Variants in ALK observed in about 807,000 individuals in gnomAD.
ALK encodes ALK receptor tyrosine kinase.
Under a neutral mutation model 163.1 loss-of-function variants are expected in ALK, and 74 were observed. The observed-to-expected ratio is 0.45, with a 90% CI of 0.38 to 0.55. ALK has a LOEUF of 0.55. ALK is among the 20% of genes least tolerant of loss of function. The pLI is 0.00. For synonymous variants in ALK, 960 were observed against 843.2 expected (o/e 1.14, Z -2.40); for missense variants, 2,063 against 2,105.3 (o/e 0.98, Z 0.39).
intron 4 of ALK, among the ~76,000 whole-genome samples, chr2:29,528,349 A>G (rs1214998386): frequency 6.6e-6 from 1 of 152,168 alleles, no homozygotes; most frequent in African/African-American, 2.4e-5. Context: ...GAGAGGACCA[A>G]TTTTACACAG....
chr2:29,880,731 A>G (rs1666843277), intron 1 of ALK, among the ~76,000 whole-genome samples: 1 of 152,252 alleles, frequency 6.6e-6, no homozygotes, highest in Admixed American at 6.5e-5. Context: ...TACCCATGCC[A>G]TAAAAGTGAG....
chr2:29,572,761 G>A (rs985928831), intron 3 of ALK, among the ~76,000 whole-genome samples: 1 of 152,170 alleles, frequency 6.6e-6, no homozygotes, highest in East Asian at 1.9e-4. Flanking sequence ...GATGAATGAA[G>A]ACTTCTCTCA....
chr2:29,195,700 G>GCT (rs1669005122), intron 28 of ALK, among the ~76,000 whole-genome samples: 1 of 152,194 alleles, frequency 6.6e-6, no homozygotes, highest in African/African-American at 2.4e-5. Context: ...GCGCCACTGT[G>GCT]CTCCAGCCCG....
chr2:29,554,158 G>A (rs6547944), intron 3 of ALK, among the ~76,000 whole-genome samples: 83,619 of 151,996 alleles, frequency 0.55, 23,386 homozygotes, highest in South Asian at 0.64. Flanking sequence ...GACAAAAATA[G>A]TCACTGTAAA....
At chr2:29,646,455 A>T (rs1446428706) in intron 3 of ALK, among the ~76,000 whole-genome samples, 1 of 152,154 alleles carries the variant, frequency 6.6e-6, no homozygotes, top group Non-Finnish European at 1.5e-5. Flanking sequence ...AACTTGCATT[A>T]GAACATGTTT....
chr2:29,912,052 T>C (rs533412540), intron 1 of ALK, among the ~76,000 whole-genome samples: 4 of 152,228 alleles, frequency 2.6e-5, no homozygotes, highest in South Asian at 2.1e-4. Context: ...GATAGGTCAA[T>C]AGAAATTGTT....
intron 1 of ALK, among the ~76,000 whole-genome samples, chr2:29,914,720 GCCC>G (rs1667787581): frequency 6.6e-6 from 1 of 152,124 alleles, no homozygotes. Flanking sequence ...CCTGGCTATT[GCCC>G]ACCAAATATT....
At chr2:29,277,946 A>C (rs1407918002) in intron 9 of ALK, among the ~76,000 whole-genome samples, 2 of 152,224 alleles carry the variant, frequency 1.3e-5, no homozygotes, top group African/African-American at 2.4e-5. Context: ...GCTGCATTCA[A>C]GTTACTTATT....
rs200219980 is a variant in ALK, at chr2:29,216,936, T to C, written c.3646-2855A>G. ...ATATGTCTTTATGGTGTGTGGGGGG[T>C]GTGTGTGTGGCATGTGATGTGTGTG... is the stretch of plus-strand genomic sequence containing the variant. On this transcript the variant is annotated intron_variant, in intron 23 of 28. Transcript: ENST00000389048. 4.7e-3 allele frequency among the ~76,000 whole-genome samples: 36 copies of C among 7,640 alleles called. No individual in the cohort carries two copies. In the Middle Eastern group the frequency reaches 0.28, roughly 59 times the overall value. The allele number at this position is 7,640 out of a possible 152,430, so 5.0% of individuals were successfully genotyped here.
At chr2:29,884,235 C>T (rs1158498109) in intron 1 of ALK, among the ~76,000 whole-genome samples, 6 of 152,122 alleles carry the variant, frequency 3.9e-5, no homozygotes, top group Admixed American at 3.9e-4. Flanking sequence ...AATGTGATCT[C>T]TCATAGTTCT....
At chr2:29,710,503 T>C (rs915268569) in intron 2 of ALK, among the ~76,000 whole-genome samples, 4 of 119,860 alleles carry the variant, frequency 3.3e-5, no homozygotes, top group African/African-American at 5.4e-5. Context: ...TGTGTGCGTG[T>C]GTGTGTGTGT....
At chr2:29,414,790 C>T (rs1009883904) in intron 4 of ALK, among the ~76,000 whole-genome samples, 2 of 152,174 alleles carry the variant, frequency 1.3e-5, no homozygotes, top group Admixed American at 6.5e-5. Flanking sequence ...GATAAATTAG[C>T]AAGGTTTTAC....
intron 3 of ALK, among the ~76,000 whole-genome samples, chr2:29,542,209 T>C (rs2148167117): frequency 6.6e-6 from 1 of 151,952 alleles, no homozygotes; most frequent in Non-Finnish European, 1.5e-5. Context: ...TTTTGTTTTG[T>C]TTTGTTTTTT....
At chr2:29,808,204 T>C (rs2148369613) in intron 1 of ALK, among the ~76,000 whole-genome samples, 1 of 152,292 alleles carries the variant, frequency 6.6e-6, no homozygotes, top group Middle Eastern at 3.4e-3. Flanking sequence ...AGGACATGGA[T>C]AATGGAGGTG....
chr2:29,870,533 A>G (rs1429372930), intron 1 of ALK, among the ~76,000 whole-genome samples: 1 of 152,242 alleles, frequency 6.6e-6, no homozygotes, highest in African/African-American at 2.4e-5. Flanking sequence ...GGGTGGGGAC[A>G]TAGAGCCAAA....
chr2:29,407,191 T>C (rs1395907112), intron 4 of ALK, among the ~76,000 whole-genome samples: 1 of 152,242 alleles, frequency 6.6e-6, no homozygotes, highest in South Asian at 2.1e-4. Flanking sequence ...GCTCTTTATC[T>C]TCTTAGAAGA....
intron 3 of ALK, among the ~76,000 whole-genome samples, chr2:29,647,435 T>C (rs1207757980): frequency 6.6e-6 from 1 of 152,158 alleles, no homozygotes; most frequent in Non-Finnish European, 1.5e-5. Flanking sequence ...TCCCCATTCT[T>C]AGTCTTTCTC....
chr2:29,788,295 G>C (rs1455558879), intron 1 of ALK, among the ~76,000 whole-genome samples: 1 of 152,178 alleles, frequency 6.6e-6, no homozygotes, highest in East Asian at 1.9e-4. Flanking sequence ...TGTCATGGGA[G>C]GCAGGCAGTG....
chr2:29,391,305 T>A (rs867112853), intron 4 of ALK, among the ~76,000 whole-genome samples: 5 of 126,662 alleles, frequency 3.9e-5, no homozygotes, highest in Admixed American at 8.1e-5. Flanking sequence ...CTCTTTTTTT[T>A]GGGGGGGGGG....
Sources: allele counts gnomAD v4.1 joint callset (sites outside exome capture counted in the v4.1 genomes callset), GRCh38; gene constraint gnomAD v4.1.1; transcripts MANE v1.5; gene names NCBI Gene and HGNC (gene_info 2026-07-23, HGNC 2026-07-21).